The following TENM3 variants were observed in gnomAD, a reference collection of about 807,000 sequenced individuals.
The protein encoded by TENM3 is teneurin transmembrane protein 3, also known as teneurin-3.
Under a neutral mutation model 255.1 loss-of-function variants are expected in TENM3, and 63 were observed. The observed-to-expected ratio is 0.25, with a 90% CI of 0.20 to 0.30. TENM3 has a LOEUF of 0.30. TENM3 is among the 10% of genes least tolerant of loss of function. The probability of loss-of-function intolerance (pLI) is 1.00; values close to 1 mark genes in which losing one functional copy is unlikely to be tolerated. For synonymous variants in TENM3, 1,306 were observed against 1,322.3 expected (o/e 0.99, Z 0.27); for missense variants, 2,929 against 3,461.1 (o/e 0.85, Z 3.86).
the TENM3 span, among the ~76,000 whole-genome samples, chr4:181,564,908 G>A: frequency 6.6e-6 from 1 of 151,878 alleles, no homozygotes; most frequent in Admixed American, 6.6e-5. Context: ...CAGCTTTGTG[G>A]CTTTCTGATC....
the TENM3 span, among the ~76,000 whole-genome samples, chr4:181,963,122 T>C: frequency 6.6e-6 from 1 of 152,218 alleles, no homozygotes; most frequent in Non-Finnish European, 1.5e-5. Context: ...AGATACAGCA[T>C]ATTACCACTG....
At chr4:182,102,089 A>G in the TENM3 span, among the ~76,000 whole-genome samples, 67 of 152,344 alleles carry the variant, frequency 4.4e-4, no homozygotes, top group African/African-American at 1.6e-3. Flanking sequence ...CTGACACTGA[A>G]CATGTGAATA....
At chr4:181,964,431 C>A in the TENM3 span, among the ~76,000 whole-genome samples, 1 of 152,234 alleles carries the variant, frequency 6.6e-6, no homozygotes, top group African/African-American at 2.4e-5. Context: ...CTTTTTCATA[C>A]ACGTTCTGTT....
intron 1 of TENM3, among the ~76,000 whole-genome samples, chr4:182,194,440 G>A (rs904741702): frequency 2.6e-5 from 4 of 152,076 alleles, no homozygotes; most frequent in African/African-American, 9.7e-5. Flanking sequence ...TGTATCTTTT[G>A]AGAAAGAGAA....
chr4:181,705,258 C>T, the TENM3 span, among the ~76,000 whole-genome samples: 4 of 152,150 alleles, frequency 2.6e-5, no homozygotes, highest in Non-Finnish European at 5.9e-5. Flanking sequence ...GGAGGTTAGC[C>T]ATTACGAAGA....
At chr4:182,425,639 A>G (rs1018363909) in intron 3 of TENM3, among the ~76,000 whole-genome samples, 3 of 152,212 alleles carry the variant, frequency 2.0e-5, no homozygotes, top group African/African-American at 4.8e-5. Flanking sequence ...TTGTGCTTCC[A>G]TTCTTTGTAT....
the TENM3 span, among the ~76,000 whole-genome samples, chr4:182,001,471 CTG>C: frequency 6.6e-5 from 10 of 152,066 alleles, no homozygotes; most frequent in Non-Finnish European, 1.0e-4. Flanking sequence ...GTATATCACA[CTG>C]TTACTGTTCG....
intron 2 of TENM3, among the ~76,000 whole-genome samples, chr4:182,346,260 T>C (rs549715553): frequency 2.6e-4 from 39 of 152,316 alleles, no homozygotes; most frequent in African/African-American, 8.2e-4. Flanking sequence ...AATTTTATTG[T>C]TGGGGACTCG....
the TENM3 span, among the ~76,000 whole-genome samples, chr4:181,947,636 A>G: frequency 6.6e-6 from 1 of 152,184 alleles, no homozygotes; most frequent in African/African-American, 2.4e-5. Context: ...TTCAGTTCAT[A>G]AATAAAATAG....
chr4:182,682,486 T>C (rs530633905), intron 11 of TENM3, among the ~76,000 whole-genome samples: 1 of 152,364 alleles, frequency 6.6e-6, no homozygotes, highest in East Asian at 1.9e-4. Flanking sequence ...TTAATCATAA[T>C]AACATGGTTA....
chr4:182,257,208 C>T (rs1219006749), intron 1 of TENM3, among the ~76,000 whole-genome samples: 12 of 152,108 alleles, frequency 7.9e-5, no homozygotes, highest in Non-Finnish European at 1.3e-4. Context: ...AGTTCTTAGG[C>T]GATGTTGATG....
At chr4:181,824,268 AT>A in the TENM3 span, among the ~76,000 whole-genome samples, 50,515 of 144,754 alleles carry the variant, frequency 0.35, 8,715 homozygotes, top group Middle Eastern at 0.38. Context: ...CACCTGGCTA[AT>A]TTTTTTTTTT....
the TENM3 span, among the ~76,000 whole-genome samples, chr4:182,039,392 A>G: frequency 6.6e-6 from 1 of 152,070 alleles, no homozygotes; most frequent in African/African-American, 2.4e-5. Flanking sequence ...AAGCCCCTTC[A>G]TTGGGTTCAT....
Position 182,735,322 on chromosome 4 carries a change from CACTG to C in TENM3, c.2968-1479_2968-1476del, listed in dbSNP as rs537623798. On this transcript the variant is annotated intron_variant, in intron 16 of 27. Transcript: ENST00000511685. ...CACATCGCGTCCCTCTTCATGCCAA[CACTG>C]ACTGACAGGCCAGAATGGAAGCTTC... Among the ~76,000 whole-genome samples, 527 of 152,302 alleles carry C rather than the reference CACTG, an allele frequency of 3.5e-3. 2 individuals carry two copies. The highest frequency in any genetic ancestry group is 5.9e-3 in the Non-Finnish European group (400 of 68,028).
the TENM3 span, among the ~76,000 whole-genome samples, chr4:181,705,415 C>G: frequency 6.6e-6 from 1 of 152,166 alleles, no homozygotes; most frequent in Non-Finnish European, 1.5e-5. Flanking sequence ...AAAGAGAAAG[C>G]TTTGGAGTCT....
intron 1 of TENM3, among the ~76,000 whole-genome samples, chr4:182,272,254 T>G (rs141727590): frequency 2.6e-5 from 4 of 152,208 alleles, no homozygotes; most frequent in African/African-American, 7.2e-5. Context: ...CACACTGTAA[T>G]TCAGCCAAGA....
At chr4:182,409,142 A>G (rs188765096) in intron 3 of TENM3, among the ~76,000 whole-genome samples, 1 of 152,306 alleles carries the variant, frequency 6.6e-6, no homozygotes, top group East Asian at 1.9e-4. Context: ...CACTTTCAGC[A>G]TCGTAGAGGT....
intron 1 of TENM3, among the ~76,000 whole-genome samples, chr4:182,290,913 C>T (rs1008860685): frequency 6.6e-6 from 1 of 152,000 alleles, no homozygotes; most frequent in Non-Finnish European, 1.5e-5. Flanking sequence ...CTCCATTTCC[C>T]GGGTTCAAGA....
At chr4:182,399,834 T>A (rs1040488599) in intron 3 of TENM3, among the ~76,000 whole-genome samples, 1 of 152,176 alleles carries the variant, frequency 6.6e-6, no homozygotes, top group Non-Finnish European at 1.5e-5. Flanking sequence ...GTCTGTCACT[T>A]CACCTGACTA....
Sources: allele counts gnomAD v4.1 joint callset (sites outside exome capture counted in the v4.1 genomes callset), GRCh38; gene constraint gnomAD v4.1.1; transcripts MANE v1.5; gene names NCBI Gene and HGNC (gene_info 2026-07-23, HGNC 2026-07-21).